SPCS2: variants seen among roughly 807,000 people sequenced by gnomAD.
SPCS2 encodes SPase 25 kDa subunit.
SPCS2 carries 3 observed loss-of-function variants against 22.3 expected under a neutral mutation model. That is an observed-to-expected ratio of 0.13 (90% CI 0.06 to 0.35). The LOEUF is 0.35. SPCS2 is among the 10% of genes least tolerant of loss of function. SPCS2 has a pLI of 1.00. For synonymous variants in SPCS2, 67 were observed against 97.2 expected (o/e 0.69, Z 1.83); for missense variants, 169 against 280.9 (o/e 0.60, Z 2.85).
chr11:74,974,477 T>C (rs756517019), intron 4 of SPCS2, among the ~76,000 whole-genome samples: 29 of 152,348 alleles, frequency 1.9e-4, no homozygotes, highest in South Asian at 2.1e-4. Context: ...TCTGGAGTCA[T>C]TTTGACTCCT....
At chr11:74,972,704 A>G (rs1591742251) in intron 4 of SPCS2, among the ~76,000 whole-genome samples, 1 of 149,144 alleles carries the variant, frequency 6.7e-6, no homozygotes, top group Non-Finnish European at 1.5e-5. Flanking sequence ...AGCCATCTCT[A>G]TGAACATTCC....
intron 2 of SPCS2, 97 bp from the exon 3 acceptor site, chr11:74,965,666 T>C: frequency 9.5e-7 from 1 of 1,057,198 alleles, no homozygotes; most frequent in South Asian, 1.5e-5. Context: ...AACTACTTGG[T>C]AATTCATATG....
At chr11:74,976,696 C>T (rs1565488882) in intron 4 of SPCS2, among the ~76,000 whole-genome samples, 161 bp from the exon 5 acceptor site, 1 of 152,048 alleles carries the variant, frequency 6.6e-6, no homozygotes, top group African/African-American at 2.4e-5. Flanking sequence ...AGTTAGGAGC[C>T]CTGGGGTTTT....
chr11:74,968,272 A>G (rs1948558713), intron 3 of SPCS2: 4 of 152,062 alleles, frequency 2.6e-5, no homozygotes, highest in Non-Finnish European at 5.9e-5. Flanking sequence ...ATTTTAGTAT[A>G]TGTGCTGCCG....
At chr11:74,957,730 A>G (rs968923582) in intron 1 of SPCS2, among the ~76,000 whole-genome samples, 5 of 152,178 alleles carry the variant, frequency 3.3e-5, no homozygotes, top group African/African-American at 1.2e-4. Flanking sequence ...ATAGTTTATA[A>G]TTCATTGTAA....
intron 3 of SPCS2, among the ~76,000 whole-genome samples, chr11:74,966,249 C>T (rs555787732): frequency 5.9e-5 from 9 of 152,268 alleles, no homozygotes; most frequent in African/African-American, 1.2e-4. Context: ...GAACTTTTCC[C>T]GTTAGACGTG....
At chr11:74,967,944 GTC>G (rs1016793188) in intron 3 of SPCS2, among the ~76,000 whole-genome samples, 86 of 151,600 alleles carry the variant, frequency 5.7e-4, no homozygotes, top group African/African-American at 1.9e-3. Context: ...AAAAAAAAAA[GTC>G]TTCTGTATCC....
At chr11:74,954,658 G>T (rs984983559) in intron 1 of SPCS2, among the ~76,000 whole-genome samples, 2 of 152,184 alleles carry the variant, frequency 1.3e-5, no homozygotes, top group Non-Finnish European at 2.9e-5. Context: ...ATGAAACAAG[G>T]TGCTGGCCTT....
At chr11:74,970,757 C>T (rs1948579463) in intron 4 of SPCS2, among the ~76,000 whole-genome samples, 5 of 152,210 alleles carry the variant, frequency 3.3e-5, no homozygotes, top group Admixed American at 3.3e-4. Context: ...AATCTGCATC[C>T]TCTACCAGGC....
intron 3 of SPCS2, among the ~76,000 whole-genome samples, chr11:74,967,079 T>A (rs1948550967): frequency 6.6e-6 from 1 of 152,212 alleles, no homozygotes; most frequent in African/African-American, 2.4e-5. Context: ...TGTTGGGGAT[T>A]TATCTTCAGA....
intron 4 of SPCS2, among the ~76,000 whole-genome samples, chr11:74,971,808 T>TA (rs1481383267): frequency 6.6e-6 from 1 of 152,226 alleles, no homozygotes; most frequent in Non-Finnish European, 1.5e-5. Context: ...ATATGAAGTA[T>TA]TACAGCATTC....
At chr11:74,966,845 C>T (rs1042674876) in intron 3 of SPCS2, among the ~76,000 whole-genome samples, 19 of 152,138 alleles carry the variant, frequency 1.2e-4, no homozygotes, top group Non-Finnish European at 2.2e-4. Context: ...CTCACTGCAG[C>T]GTCAGCCTCC....
chr11:74,952,683 A>T (rs1948454054), intron 1 of SPCS2, among the ~76,000 whole-genome samples: 1 of 152,216 alleles, frequency 6.6e-6, no homozygotes, highest in South Asian at 2.1e-4. Context: ...TGTGGTAAAA[A>T]ATAGAATGAC....
chr11:74,966,773 C>CGT (rs11442251), intron 3 of SPCS2, among the ~76,000 whole-genome samples: 89 of 152,054 alleles, frequency 5.9e-4, no homozygotes, highest in Admixed American at 2.5e-3. Context: ...GTTTTGTTTT[C>CGT]TTTTTTTTGA....
chr11:74,960,817 A>T (rs1948509518), intron 1 of SPCS2, among the ~76,000 whole-genome samples: 1 of 152,198 alleles, frequency 6.6e-6, no homozygotes, highest in Non-Finnish European at 1.5e-5. Context: ...GAGATAGTGT[A>T]TATAAAATAC....
At chr11:74,960,658 T>C (rs1264819729) in intron 1 of SPCS2, among the ~76,000 whole-genome samples, 2 of 152,136 alleles carry the variant, frequency 1.3e-5, no homozygotes, top group South Asian at 2.1e-4. Flanking sequence ...GGGAAAGCAG[T>C]GTAGAATAAT....
chr11:74,965,922 T>A lies in SPCS2; in HGVS notation c.358T>A (p.Ser120Thr). The change falls in exon 3 of 5, where the codon TCC becomes ACC. Residue 120 changes from serine (S) to threonine (T), a missense_variant and splice_region_variant. Transcript: ENST00000263672. ...SKPVLALCVISYFVMMGILTI... is the reference protein window; with the variant it reads ...SKPVLALCVITYFVMMGILTI... ...ACCCGTTTTGGCTTTGTGTGTCATA[T>A]CATATCCTTTATTTATGCTCAGGTT... 1 of 1,602,594 alleles carries A rather than the reference T, an allele frequency of 6.2e-7. No homozygotes were observed. The highest frequency in any genetic ancestry group is 8.5e-7 in the Non-Finnish European group (1 of 1,176,282).
At chr11:74,961,093 G>A (rs1335133809) in intron 1 of SPCS2, among the ~76,000 whole-genome samples, 1 of 150,088 alleles carries the variant, frequency 6.7e-6, no homozygotes, top group African/African-American at 2.5e-5. Context: ...GAATACAAAA[G>A]TGTATAGTCC....
At chr11:74,964,449 A>G (rs1257488628) in intron 1 of SPCS2, among the ~76,000 whole-genome samples, 2 of 152,198 alleles carry the variant, frequency 1.3e-5, no homozygotes. Context: ...GTTGTTTCCA[A>G]CAGGCTATCC....
Sources: allele counts gnomAD v4.1 joint callset (sites outside exome capture counted in the v4.1 genomes callset), GRCh38; gene constraint gnomAD v4.1.1; transcripts MANE v1.5; gene names NCBI Gene and HGNC (gene_info 2026-07-23, HGNC 2026-07-21).